The following XKR9 variants were observed in gnomAD, a reference collection of about 807,000 sequenced individuals.
XKR9 encodes the protein XK related 9.
A neutral mutation model predicts 32.0 loss-of-function variants in XKR9; 32 were observed. The observed-to-expected ratio is 1.00, with a 90% CI of 0.76 to 1.34. The LOEUF is 1.34. XKR9 is among the 40% of genes most tolerant of loss of function. XKR9 has a pLI of 0.00. For missense variants in XKR9, 546 were observed against 429.7 expected (o/e 1.27, Z -2.39); for synonymous variants, 168 against 143.4 (o/e 1.17, Z -1.22).
chr8:70,674,785 G>T (rs986144940), intron 1 of XKR9, 33 bp from the exon 2 acceptor site: 2 of 152,118 alleles, frequency 1.3e-5, no homozygotes, highest in African/African-American at 4.8e-5. Context: ...GATCTTAAAG[G>T]TTTACACATC....
In XKR9 at chr8:70,720,509, G is replaced by A. The variant is rs187719416; in HGVS notation, c.494-13287G>A. 1.9e-4 allele frequency among the ~76,000 whole-genome samples: 29 copies of A among 152,270 alleles called. No homozygotes were observed. The East Asian group carries it at 4.4e-3, about 23-fold the overall frequency. ...GTTTATTGAGTGTTTTTAGCATGAAGGGGTGTTGAATTGTATTGAAGGCCT... is the reference window on the plus strand; with the variant it reads ...GTTTATTGAGTGTTTTTAGCATGAAAGGGTGTTGAATTGTATTGAAGGCCT... On this transcript the variant is annotated intron_variant, in intron 4 of 4. Coordinates refer to ENST00000408926, the MANE Select transcript of XKR9 (RefSeq NM_001011720.2).
chr8:71,049,100 G>T, the XKR9 span, among the ~76,000 whole-genome samples: 1 of 152,142 alleles, frequency 6.6e-6, no homozygotes, highest in Non-Finnish European at 1.5e-5. Context: ...TTTAATGTGT[G>T]GTTGACTATA....
At chr8:70,940,934 A>G in the XKR9 span, among the ~76,000 whole-genome samples, 1 of 152,114 alleles carries the variant, frequency 6.6e-6, no homozygotes. Context: ...ACCTTGGGCC[A>G]TAAGAACTAT....
chr8:70,835,247 G>A, the XKR9 span, among the ~76,000 whole-genome samples: 1 of 152,060 alleles, frequency 6.6e-6, no homozygotes, highest in South Asian at 2.1e-4. Context: ...GTATAAGCTA[G>A]TCTTTATTTG....
chr8:71,005,432 C>G, the XKR9 span, among the ~76,000 whole-genome samples: 1 of 151,904 alleles, frequency 6.6e-6, no homozygotes, highest in African/African-American at 2.4e-5. Flanking sequence ...TCATGTTGGC[C>G]AGGCTGGTCT....
At chr8:71,043,193 G>A in the XKR9 span, among the ~76,000 whole-genome samples, 1 of 152,178 alleles carries the variant, frequency 6.6e-6, no homozygotes, top group Admixed American at 6.5e-5. Context: ...CTGACACTCT[G>A]CAAGTGAATG....
At chr8:70,736,003 G>A (rs1227390740), downstream of XKR9, 1 of 152,008 alleles carries the variant, frequency 6.6e-6, no homozygotes, top group African/African-American at 2.4e-5. Context: ...TGGGTCAAAT[G>A]GTATTTCTAG....
downstream of XKR9, among the ~76,000 whole-genome samples, chr8:70,794,461 C>A (rs1807803163): frequency 6.6e-6 from 1 of 151,962 alleles, no homozygotes; most frequent in Admixed American, 6.6e-5. Flanking sequence ...CAGTCTTTCA[C>A]CATTAATTTT....
chr8:70,902,212 G>T, the XKR9 span, among the ~76,000 whole-genome samples: 2 of 152,136 alleles, frequency 1.3e-5, no homozygotes, highest in African/African-American at 4.8e-5. Flanking sequence ...ATCTTGATGG[G>T]GATGGCATTG....
At chr8:70,933,361 G>T in the XKR9 span, among the ~76,000 whole-genome samples, 66 of 152,170 alleles carry the variant, frequency 4.3e-4, no homozygotes, top group Non-Finnish European at 2.1e-4. Context: ...CGCTTAGGGC[G>T]TTTAGGGCAT....
intron 3 of XKR9, among the ~76,000 whole-genome samples, chr8:70,685,287 T>C (rs1457072015): frequency 7.4e-6 from 1 of 135,760 alleles, no homozygotes; most frequent in Non-Finnish European, 1.5e-5. Flanking sequence ...TAGGTGGGAA[T>C]TGAACAATGA....
chr8:70,785,456 CATTG>C (rs932449934), intron 2 of XKR9, among the ~76,000 whole-genome samples: 5 of 151,522 alleles, frequency 3.3e-5, no homozygotes, highest in South Asian at 2.1e-4. Flanking sequence ...AACTCATTTT[CATTG>C]ATTAACAATT....
chr8:70,738,964 G>A (rs1272887810), downstream of XKR9, among the ~76,000 whole-genome samples: 1 of 152,160 alleles, frequency 6.6e-6, no homozygotes, highest in Non-Finnish European at 1.5e-5. Context: ...GGGGTGGAGA[G>A]TTCTGTAGAT....
chr8:71,017,584 A>G, the XKR9 span, among the ~76,000 whole-genome samples: 3 of 152,164 alleles, frequency 2.0e-5, no homozygotes, highest in Non-Finnish European at 4.4e-5. Context: ...TCTCAACTCT[A>G]AGGGGTGTTG....
At chr8:70,762,960 G>A (rs1026736811) in intron 2 of XKR9, among the ~76,000 whole-genome samples, 4 of 152,140 alleles carry the variant, frequency 2.6e-5, no homozygotes, top group Non-Finnish European at 4.4e-5. Context: ...ATCATGAATT[G>A]TATGTGGTGG....
At chr8:70,912,673 T>C in the XKR9 span, among the ~76,000 whole-genome samples, 1 of 151,950 alleles carries the variant, frequency 6.6e-6, no homozygotes, top group African/African-American at 2.4e-5. Context: ...ACCGCAGAAA[T>C]TAGGGGTGGT....
At chr8:70,931,183 A>G in the XKR9 span, among the ~76,000 whole-genome samples, 6 of 152,004 alleles carry the variant, frequency 3.9e-5, no homozygotes, top group Non-Finnish European at 8.8e-5. Context: ...CAATTTATTT[A>G]ACTACAGTGA....
chr8:70,864,408 T>G, the XKR9 span, among the ~76,000 whole-genome samples: 97 of 152,296 alleles, frequency 6.4e-4, no homozygotes, highest in African/African-American at 2.3e-3. Context: ...GAGCATTGTA[T>G]TATAGAAAGC....
At chr8:71,032,215 C>T in the XKR9 span, among the ~76,000 whole-genome samples, 1 of 134,114 alleles carries the variant, frequency 7.5e-6, no homozygotes, top group South Asian at 2.3e-4. Context: ...ACCTGGGAGA[C>T]AGAGGTTGCA....
Sources: allele counts gnomAD v4.1 joint callset (sites outside exome capture counted in the v4.1 genomes callset), GRCh38; gene constraint gnomAD v4.1.1; transcripts MANE v1.5; gene names NCBI Gene and HGNC (gene_info 2026-07-23, HGNC 2026-07-21).